Variants in FOXP1 observed in about 807,000 individuals in gnomAD.
The protein encoded by FOXP1 is forkhead box P1, also known as forkhead box protein P1.
In FOXP1, 15 loss-of-function variants were observed where a neutral mutation model predicts 98.2. The observed-to-expected ratio is 0.15, with a 90% confidence interval of 0.10 to 0.24. FOXP1 has a LOEUF of 0.24. Among genes scored for constraint, FOXP1 ranks in the 10% least tolerant of loss-of-function variants. The pLI, the probability that FOXP1 is intolerant of heterozygous loss-of-function variation, is 1.00. For missense variants in FOXP1, 633 were observed against 848.5 expected, an observed-to-expected ratio of 0.75 and a Z score of 3.15; for synonymous variants, 371 against 314.5, an observed-to-expected ratio of 1.18 and a Z score of -1.90.
intron 14 of FOXP1, among the ~76,000 whole-genome samples, chr3:70,985,780 G>A (rs1249787877): frequency 6.6e-6 from 1 of 151,728 alleles, no homozygotes; most frequent in African/African-American, 2.4e-5. Context: ...TCACACAGAC[G>A]GCCTATTGTT....
chr3:71,335,738 C>T (rs1263306802), intron 4 of FOXP1, among the ~76,000 whole-genome samples: 1 of 152,036 alleles, frequency 6.6e-6, no homozygotes, highest in Admixed American at 6.6e-5. Flanking sequence ...GGCGTGGTGG[C>T]TCACGCTTAT....
chr3:71,158,418 G>A (rs1299191044), intron 6 of FOXP1, among the ~76,000 whole-genome samples: 1 of 151,974 alleles, frequency 6.6e-6, no homozygotes, highest in Non-Finnish European at 1.5e-5. Flanking sequence ...ACAAAGTTAG[G>A]AGGCCCCTGA....
At chr3:71,364,115 C>T (rs1337384412) in intron 3 of FOXP1, among the ~76,000 whole-genome samples, 2 of 152,186 alleles carry the variant, frequency 1.3e-5, no homozygotes, top group East Asian at 1.9e-4. Flanking sequence ...CCATCACACC[C>T]GGCTAATTTC....
chr3:70,977,000 T>C lies in FOXP1; in HGVS notation c.1471A>G (p.Ile491Val). Residue 491 changes from isoleucine (I) to valine (V), a missense_variant, in exon 17 of 21, where the codon ATC (isoleucine) becomes GTC (valine). Physicochemically the swap from Ile to Val is conservative, Grantham distance 29 (BLOSUM62 3). Coordinates refer to ENST00000649528, the MANE Select transcript of FOXP1 (RefSeq NM_001349338.3). Reference sequence around the variant, plus strand: ...AACATTCGTGTGAACCAGTTATAGATCTCATTTAGTGTTAGCTGCTTTTCT... The same window carrying C: ...AACATTCGTGTGAACCAGTTATAGACCTCATTTAGTGTTAGCTGCTTTTCT... ...SPEKQLTLNEIYNWFTRMFAY... is the reference protein window; with the variant it reads ...SPEKQLTLNEVYNWFTRMFAY... 2 of 1,614,194 alleles carry C rather than the reference T, an allele frequency of 1.2e-6. No homozygotes were observed. The highest frequency in any genetic ancestry group is 1.7e-6 in the Non-Finnish European group (2 of 1,179,996).
At chr3:71,013,881 C>G (rs562766443) in intron 12 of FOXP1, among the ~76,000 whole-genome samples, 2 of 152,150 alleles carry the variant, frequency 1.3e-5, no homozygotes, top group East Asian at 3.9e-4. Context: ...ACAAACCTGA[C>G]AAAAACAAGA....
Position 71,292,062 on chromosome 3 carries a change from C to T in FOXP1, c.-12+7758G>A, listed in dbSNP as rs180792932. Among the ~76,000 whole-genome samples, 354 of 152,202 alleles carry T rather than the reference C, an allele frequency of 2.3e-3. 1 individual carries two copies. The highest frequency in any genetic ancestry group is 3.4e-3 in the Non-Finnish European group (229 of 68,018). On this transcript the variant is annotated intron_variant, in intron 5 of 20. Transcript: ENST00000649528. ...AGCCACTACACTAAAATCCTTAACCCACAAACTGGTTCCAACGGCCACTTT... is the reference window on the plus strand; with the variant it reads ...AGCCACTACACTAAAATCCTTAACCTACAAACTGGTTCCAACGGCCACTTT...
intron 9 of FOXP1, among the ~76,000 whole-genome samples, chr3:71,047,647 T>A (rs557838277): frequency 6.6e-6 from 1 of 152,344 alleles, no homozygotes; most frequent in Non-Finnish European, 1.5e-5. Context: ...TGTAAATCTT[T>A]CACAGAAACA....
intron 7 of FOXP1, among the ~76,000 whole-genome samples, chr3:71,064,632 C>G (rs1254398178): frequency 6.6e-6 from 1 of 152,116 alleles, no homozygotes; most frequent in Non-Finnish European, 1.5e-5. Flanking sequence ...TCCACTCCCT[C>G]CCCGCCTCCA....
intron 7 of FOXP1, among the ~76,000 whole-genome samples, chr3:71,106,073 T>C (rs1338319954): frequency 6.6e-6 from 1 of 152,198 alleles, no homozygotes. Context: ...GTGCTGTTAC[T>C]ACCTTTGTGC....
intron 7 of FOXP1, among the ~76,000 whole-genome samples, chr3:71,099,013 T>C (rs1199942269): frequency 6.6e-6 from 1 of 152,208 alleles, no homozygotes; most frequent in Non-Finnish European, 1.5e-5. Flanking sequence ...CTAATATTCA[T>C]AACAACACCA....
chr3:70,984,454 G>C (rs1307911165), intron 14 of FOXP1, among the ~76,000 whole-genome samples: 1 of 152,152 alleles, frequency 6.6e-6, no homozygotes, highest in Non-Finnish European at 1.5e-5. Context: ...CTTACAGGTA[G>C]TGCAATTCAC....
At chr3:71,104,785 T>C (rs1232706258) in intron 7 of FOXP1, among the ~76,000 whole-genome samples, 4 of 152,208 alleles carry the variant, frequency 2.6e-5, no homozygotes, top group Non-Finnish European at 5.9e-5. Context: ...GCTGGAAACT[T>C]TGACAAAACG....
intron 3 of FOXP1, among the ~76,000 whole-genome samples, chr3:71,415,534 G>C (rs2083147816): frequency 6.6e-6 from 1 of 152,110 alleles, no homozygotes; most frequent in South Asian, 2.1e-4. Context: ...CCAACTCCCT[G>C]GTTTCACAGA....
chr3:71,546,273 G>A (rs557448648), intron 2 of FOXP1, among the ~76,000 whole-genome samples: 27 of 152,274 alleles, frequency 1.8e-4, no homozygotes, highest in Admixed American at 2.0e-4. Context: ...ATTAGCAGCA[G>A]GGCCAAGCAG....
At chr3:71,139,393 C>T (rs1165058646) in intron 6 of FOXP1, among the ~76,000 whole-genome samples, 1 of 151,846 alleles carries the variant, frequency 6.6e-6, no homozygotes, top group Admixed American at 6.6e-5. Context: ...AAATGATAAC[C>T]ACAGTAAATA....
chr3:71,071,045 G>A (rs762352224), intron 7 of FOXP1, among the ~76,000 whole-genome samples: 5 of 152,090 alleles, frequency 3.3e-5, no homozygotes, highest in Non-Finnish European at 7.4e-5. Context: ...AACATTTTCC[G>A]GGGCTCTGCG....
intron 11 of FOXP1, among the ~76,000 whole-genome samples, chr3:71,020,728 T>A (rs149477582): frequency 3.3e-5 from 5 of 152,326 alleles, no homozygotes; most frequent in African/African-American, 1.2e-4. Context: ...TCCGAGCTTT[T>A]CCTGTGCACT....
chr3:71,494,122 A>G (rs1339430399), intron 2 of FOXP1, among the ~76,000 whole-genome samples: 2 of 152,160 alleles, frequency 1.3e-5, no homozygotes, highest in Admixed American at 1.3e-4. Context: ...CCATCAAGAA[A>G]GCACATACGG....
intron 7 of FOXP1, among the ~76,000 whole-genome samples, chr3:71,097,742 C>T (rs968996660): frequency 2.6e-5 from 4 of 152,072 alleles, no homozygotes; most frequent in African/African-American, 7.2e-5. Context: ...GCTCTGGTGA[C>T]GTAACATGAT....
Sources: allele counts gnomAD v4.1 joint callset (sites outside exome capture counted in the v4.1 genomes callset), GRCh38; gene constraint gnomAD v4.1.1; transcripts MANE v1.5; gene names NCBI Gene and HGNC (gene_info 2026-07-23, HGNC 2026-07-21).